SYT16: variants seen among roughly 807,000 people sequenced by gnomAD.
SYT16 encodes synaptotagmin 16, also known as synaptotagmin-16.
Under a neutral mutation model 61.4 loss-of-function variants are expected in SYT16, and 42 were observed. The ratio of observed to expected loss-of-function variants is 0.68; its 90% CI spans 0.53 to 0.89. The LOEUF is 0.89. Ranked by LOEUF, SYT16 falls within the 40% of genes least tolerant of loss-of-function variation. The pLI is 0.00. For synonymous variants in SYT16, 314 were observed against 302.3 expected (o/e 1.04, Z -0.40); for missense variants, 804 against 807.3 (o/e 1.00, Z 0.05).
intron 1 of SYT16, among the ~76,000 whole-genome samples, chr14:61,900,158 CT>C (rs5809128): frequency 0.75 from 79,412 of 106,552 alleles, 28,685 homozygotes; most frequent in East Asian, 0.93. Context: ...TAAATTTCTG[CT>C]TTTTTTTTTT....
intron 3 of SYT16, among the ~76,000 whole-genome samples, chr14:62,046,317 A>C (rs1375109568): frequency 6.6e-6 from 1 of 151,404 alleles, no homozygotes; most frequent in African/African-American, 2.4e-5. Context: ...TTTTTCTTGT[A>C]AATTTGTTTG....
At chr14:62,006,508 C>T (rs1275520695) in intron 3 of SYT16, among the ~76,000 whole-genome samples, 1 of 151,942 alleles carries the variant, frequency 6.6e-6, no homozygotes. Context: ...CTAAATTGGC[C>T]CAAAACAAGA....
intron 1 of SYT16, among the ~76,000 whole-genome samples, chr14:61,951,845 A>C (rs772346899): frequency 6.6e-6 from 1 of 152,146 alleles, no homozygotes; most frequent in Non-Finnish European, 1.5e-5. Flanking sequence ...GATGGAGGGC[A>C]GTGGTGTGAT....
chr14:61,989,047 A>G (rs1022064521), intron 2 of SYT16, among the ~76,000 whole-genome samples: 1 of 152,128 alleles, frequency 6.6e-6, no homozygotes, highest in African/African-American at 2.4e-5. Context: ...GTAAAATGGG[A>G]AGGCCAATAT....
rs1460648064 is a variant in SYT16, at chr14:62,107,009, G to C, written c.*6302G>C. 6.6e-6 allele frequency: 1 copy of C among 151,836 alleles called. No homozygotes were observed. The highest frequency in any genetic ancestry group is 1.5e-5 in the Non-Finnish European group (1 of 67,984). 9.4% of individuals were successfully genotyped at this position (151,836 alleles called of 1,614,324 possible). A position where few individuals can be genotyped will look rare whatever the true frequency, so the allele number is the denominator to read the frequency against. On this transcript the variant is annotated 3_prime_UTR_variant, in exon 8 of 8. Transcript: ENST00000683842. ...GTGACAGTGTTACCAGTTTTACCTT[G>C]AGGATGATGAGAAGGCTGACTTCCT...
intron 2 of SYT16, among the ~76,000 whole-genome samples, chr14:61,990,596 G>C (rs997393723): frequency 6.6e-6 from 1 of 152,130 alleles, no homozygotes. Context: ...GGAGTTAGTT[G>C]ATAATCCTTT....
chr14:62,041,421 T>G (rs1419786561), intron 3 of SYT16, among the ~76,000 whole-genome samples: 1 of 152,210 alleles, frequency 6.6e-6, no homozygotes, highest in Non-Finnish European at 1.5e-5. Flanking sequence ...CTTGATAGAG[T>G]TTTCACCATT....
At chr14:62,092,191 CACACA>C (rs2057104450) in intron 7 of SYT16, among the ~76,000 whole-genome samples, 2 of 99,756 alleles carry the variant, frequency 2.0e-5, no homozygotes, top group African/African-American at 6.4e-5. Flanking sequence ...CACACACACA[CACACA>C]CACACACACA....
At chr14:62,049,603 A>T (rs991170994) in intron 3 of SYT16, among the ~76,000 whole-genome samples, 5 of 152,216 alleles carry the variant, frequency 3.3e-5, no homozygotes, top group African/African-American at 7.2e-5. Flanking sequence ...ATGTTTTTGC[A>T]GCGGCTGGTA....
intron 1 of SYT16, among the ~76,000 whole-genome samples, chr14:61,954,159 G>A (rs1566712598): frequency 6.6e-6 from 1 of 152,144 alleles, no homozygotes; most frequent in African/African-American, 2.4e-5. Context: ...TATAATACCT[G>A]TGAAATTATA....
At chr14:61,942,058 G>T (rs1443003748) in intron 1 of SYT16, among the ~76,000 whole-genome samples, 1 of 152,110 alleles carries the variant, frequency 6.6e-6, no homozygotes, top group Admixed American at 6.5e-5. Context: ...ACTCAACAAT[G>T]AATATTATAT....
Position 62,080,919 on chromosome 14 carries a change from A to G in SYT16, c.1079A>G (p.Tyr360Cys). The change falls in exon 6 of 8, where the codon TAT (tyrosine) becomes TGT (cysteine). Residue 360 changes from tyrosine (Y) to cysteine (C), a missense_variant. Coordinates refer to ENST00000683842, the MANE Select transcript of SYT16 (RefSeq NM_001367656.1). ...GGTGACCTAGATGTCATCTTTGAAT[A>G]TAGAGCCGCCAGCCAGAAGCTCACA... ...KCGDLDVIFE[Y>C]RAASQKLTVT... is the part of the protein sequence containing the mutation. The G allele has an allele frequency of 1.9e-6, 3 of 1,607,550 alleles. No individual in the cohort carries two copies. The South Asian group carries it at 3.3e-5, about 18-fold the overall frequency.
intron 3 of SYT16, among the ~76,000 whole-genome samples, chr14:62,057,466 C>T (rs546313927): frequency 2.4e-4 from 37 of 152,116 alleles, no homozygotes; most frequent in Non-Finnish European, 4.6e-4. Context: ...AGTAAGCTCT[C>T]GGCTGGATTT....
intron 1 of SYT16, among the ~76,000 whole-genome samples, chr14:61,940,159 C>G (rs537666640): frequency 3.3e-5 from 5 of 152,118 alleles, no homozygotes; most frequent in African/African-American, 4.8e-5. Context: ...ACATAGTTTT[C>G]ATTATTGTCC....
intron 3 of SYT16, among the ~76,000 whole-genome samples, chr14:62,045,830 A>G (rs1333969101): frequency 6.6e-6 from 1 of 151,878 alleles, no homozygotes; most frequent in Admixed American, 6.6e-5. Flanking sequence ...TATGTGCTAC[A>G]TTTTCTTAAT....
In SYT16 at chr14:62,110,349, C is replaced by T. The variant is rs1030694057; in HGVS notation, c.*9642C>T. The T allele has an allele frequency of 3.3e-5, 5 of 151,922 alleles. No individual in the cohort carries two copies. The highest frequency in any genetic ancestry group is 7.4e-5 in the Non-Finnish European group (5 of 67,960). The allele number at this position is 151,922 out of a possible 1,614,324, so 9.4% of individuals were successfully genotyped here. A position where few individuals can be genotyped will look rare whatever the true frequency, so the allele number is the denominator to read the frequency against. ...TTGTAGGAACAGGATTCATTCATTC[C>T]TTCATTAATATAATGAACACTTTGA... On this transcript the variant is annotated 3_prime_UTR_variant, in exon 8 of 8. Transcript: ENST00000683842.
At chr14:61,970,948 T>A (rs1488286709) in intron 2 of SYT16, among the ~76,000 whole-genome samples, 1 of 145,762 alleles carries the variant, frequency 6.9e-6, no homozygotes, top group Non-Finnish European at 1.5e-5. Flanking sequence ...TTTTTTTTTT[T>A]ATCAGTCTGA....
chr14:61,990,797 T>C (rs1438858711), intron 2 of SYT16, among the ~76,000 whole-genome samples: 2 of 152,172 alleles, frequency 1.3e-5, no homozygotes, highest in East Asian at 3.9e-4. Flanking sequence ...ATGAGCATTG[T>C]TATTCTGGGA....
intron 7 of SYT16, among the ~76,000 whole-genome samples, chr14:62,089,802 T>G (rs1018968051): frequency 6.6e-6 from 1 of 152,244 alleles, no homozygotes; most frequent in Admixed American, 6.5e-5. Context: ...TGTCCCTGGC[T>G]AATGGTCCAG....
Sources: allele counts gnomAD v4.1 joint callset (sites outside exome capture counted in the v4.1 genomes callset), GRCh38; gene constraint gnomAD v4.1.1; transcripts MANE v1.5; gene names NCBI Gene and HGNC (gene_info 2026-07-23, HGNC 2026-07-21).